The following NEGR1 variants were observed in gnomAD, a reference collection of about 807,000 sequenced individuals.
The protein encoded by NEGR1 is neuronal growth regulator 1.
A neutral mutation model predicts 40.9 loss-of-function variants in NEGR1; 10 were observed. The ratio of observed to expected loss-of-function variants is 0.24; its 90% CI spans 0.15 to 0.42. The LOEUF (loss-of-function observed/expected upper bound fraction) is 0.42. Among genes scored for constraint, NEGR1 ranks in the 10% least tolerant of loss-of-function variants. The pLI is 1.00. For synonymous variants in NEGR1, 185 were observed against 166.8 expected (o/e 1.11, Z -0.84); for missense variants, 352 against 438.9 (o/e 0.80, Z 1.77).
Position 72,125,260 on chromosome 1 carries a change from C to T in NEGR1, c.176+157059G>A, listed in dbSNP as rs372082262. On this transcript the variant is annotated intron_variant, in intron 1 of 6. Transcript: ENST00000357731. ...TTCAATCTTACTGAGAAAAATTGAA[C>T]GTATCAAATAAAAGGCTACATGGGC... Among the ~76,000 whole-genome samples the T allele has an allele frequency of 1.1e-4, 16 of 151,980 alleles. No homozygotes were observed. The East Asian group carries it at 2.5e-3, about 24-fold the overall frequency.
At chr1:71,638,375 T>C (rs1367238895) in intron 4 of NEGR1, among the ~76,000 whole-genome samples, 1 of 152,028 alleles carries the variant, frequency 6.6e-6, no homozygotes, top group Admixed American at 6.6e-5. Flanking sequence ...ATAAGCCTGT[T>C]TATTATTGGT....
intron 1 of NEGR1, among the ~76,000 whole-genome samples, chr1:72,179,128 T>C (rs936408404): frequency 5.9e-5 from 9 of 152,052 alleles, no homozygotes; most frequent in African/African-American, 2.2e-4. Context: ...AAGGTATTTA[T>C]AGTGAGAGGT....
chr1:71,940,375 A>C (rs1645947776), intron 1 of NEGR1, among the ~76,000 whole-genome samples: 1 of 152,106 alleles, frequency 6.6e-6, no homozygotes, highest in Non-Finnish European at 1.5e-5. Context: ...CCAAAAATAC[A>C]CTCTTCAGCA....
intron 1 of NEGR1, among the ~76,000 whole-genome samples, chr1:72,050,962 T>A (rs1238019130): frequency 1.3e-5 from 2 of 151,498 alleles, no homozygotes; most frequent in African/African-American, 4.8e-5. Context: ...CCCAGTCCAA[T>A]CAAGCCTTCA....
intron 1 of NEGR1, among the ~76,000 whole-genome samples, chr1:71,964,981 T>C (rs1224547266): frequency 2.0e-5 from 3 of 152,160 alleles, no homozygotes; most frequent in Admixed American, 6.5e-5. Flanking sequence ...GAGTTTAGCA[T>C]GGTAATACTA....
intron 2 of NEGR1, among the ~76,000 whole-genome samples, chr1:71,848,987 G>T (rs1047232914): frequency 2.0e-5 from 3 of 152,074 alleles, no homozygotes; most frequent in African/African-American, 7.2e-5. Flanking sequence ...CTACGCAGGC[G>T]GCTGAGGCAG....
intron 3 of NEGR1, among the ~76,000 whole-genome samples, chr1:71,714,096 G>C (rs531854375): frequency 6.6e-5 from 10 of 152,084 alleles, no homozygotes; most frequent in Non-Finnish European, 4.4e-5. Flanking sequence ...CACATGGCTG[G>C]GGAGACCTCA....
intron 6 of NEGR1, among the ~76,000 whole-genome samples, chr1:71,552,592 A>G (rs1016658209): frequency 6.7e-6 from 1 of 148,630 alleles, no homozygotes; most frequent in African/African-American, 2.4e-5. Context: ...TATAGAATAT[A>G]TTCTATTTCT....
intron 1 of NEGR1, among the ~76,000 whole-genome samples, chr1:72,124,880 TA>T (rs1649949368): frequency 6.6e-6 from 1 of 152,142 alleles, no homozygotes; most frequent in African/African-American, 2.4e-5. Flanking sequence ...TATATGATTT[TA>T]AAAGACTATA....
intron 1 of NEGR1, among the ~76,000 whole-genome samples, chr1:72,209,984 A>G (rs894066874): frequency 1.3e-5 from 2 of 151,924 alleles, no homozygotes; most frequent in African/African-American, 4.8e-5. Flanking sequence ...TTGATTTTTT[A>G]GACTCATTAT....
chr1:72,160,879 A>G (rs1557556465), intron 1 of NEGR1, among the ~76,000 whole-genome samples: 1 of 152,260 alleles, frequency 6.6e-6, no homozygotes, highest in Middle Eastern at 3.4e-3. Context: ...TTTTGTTGTC[A>G]ATCCTTTGGT....
intron 1 of NEGR1, among the ~76,000 whole-genome samples, chr1:72,032,567 T>C (rs560184426): frequency 1.7e-4 from 26 of 152,286 alleles, no homozygotes; most frequent in African/African-American, 5.5e-4. Flanking sequence ...ATAGTTGAGT[T>C]TCATCAGTTT....
At chr1:71,596,507 T>TG (rs1160461994) in intron 5 of NEGR1, among the ~76,000 whole-genome samples, 6 of 152,184 alleles carry the variant, frequency 3.9e-5, no homozygotes, top group Admixed American at 3.3e-4. Flanking sequence ...ACTCACAAAA[T>TG]GGACAGAAAC....
At chr1:71,597,460 C>CTG (rs1185213578) in intron 5 of NEGR1, among the ~76,000 whole-genome samples, 11 of 64,792 alleles carry the variant, frequency 1.7e-4, no homozygotes, top group Admixed American at 3.5e-4. Flanking sequence ...CTCTCTCTCT[C>CTG]TCTCTCTCTC....
chr1:72,228,426 A>G (rs970375619), intron 1 of NEGR1, among the ~76,000 whole-genome samples: 1 of 152,128 alleles, frequency 6.6e-6, no homozygotes, highest in Admixed American at 6.6e-5. Context: ...TCACACCTTC[A>G]GCCTCAAACT....
intron 2 of NEGR1, chr1:71,794,578 T>G (rs538366899): frequency 2.9e-4 from 44 of 152,198 alleles, no homozygotes; most frequent in African/African-American, 9.9e-4. Flanking sequence ...TTGGACCTCA[T>G]GCCATGTACA....
chr1:71,578,493 A>T (rs1649032000), intron 6 of NEGR1, among the ~76,000 whole-genome samples: 1 of 152,090 alleles, frequency 6.6e-6, no homozygotes, highest in African/African-American at 2.4e-5. Context: ...TTATCATGCC[A>T]TTATCAATCA....
intron 2 of NEGR1, among the ~76,000 whole-genome samples, chr1:71,824,343 G>A (rs933100330): frequency 2.0e-5 from 3 of 151,014 alleles, no homozygotes; most frequent in Non-Finnish European, 4.4e-5. Flanking sequence ...CATTGTGAAG[G>A]AGAGATAAGA....
intron 1 of NEGR1, among the ~76,000 whole-genome samples, chr1:71,956,083 CATT>C (rs1161975429): frequency 6.6e-6 from 1 of 152,150 alleles, no homozygotes; most frequent in Non-Finnish European, 1.5e-5. Context: ...GCAAGGCTAA[CATT>C]GTTTAGTTTG....
Sources: allele counts gnomAD v4.1 joint callset (sites outside exome capture counted in the v4.1 genomes callset), GRCh38; gene constraint gnomAD v4.1.1; transcripts MANE v1.5; gene names NCBI Gene and HGNC (gene_info 2026-07-23, HGNC 2026-07-21).